OPCML: variants seen among roughly 807,000 people sequenced by gnomAD.
OPCML encodes the protein opioid-binding protein/cell adhesion molecule.
OPCML carries 13 observed loss-of-function variants against 37.8 expected under a neutral mutation model. That is an observed-to-expected ratio of 0.34 (90% CI 0.22 to 0.55). The LOEUF is 0.55. Among genes scored for constraint, OPCML ranks in the 20% least tolerant of loss-of-function variants. The pLI, the probability that OPCML is intolerant of heterozygous loss-of-function variation, is 0.91. For synonymous variants in OPCML, 176 were observed against 168.8 expected, an observed-to-expected ratio of 1.04 and a Z score of -0.33; for missense variants, 341 against 435.6, an observed-to-expected ratio of 0.78 and a Z score of 1.93.
chr11:133,394,946 C>T (rs772118707), intron 1 of OPCML, among the ~76,000 whole-genome samples: 10 of 152,202 alleles, frequency 6.6e-5, no homozygotes, highest in African/African-American at 9.7e-5. Flanking sequence ...TGAGGAACTT[C>T]CAAACTGTTC....
chr11:133,148,453 A>G (rs917184155), intron 1 of OPCML, among the ~76,000 whole-genome samples: 3 of 152,230 alleles, frequency 2.0e-5, no homozygotes, highest in Non-Finnish European at 2.9e-5. Context: ...CCTCTCTGAA[A>G]CAAGAGGGAG....
At chr11:132,690,582 T>C (rs1943359117) in intron 2 of OPCML, among the ~76,000 whole-genome samples, 1 of 152,190 alleles carries the variant, frequency 6.6e-6, no homozygotes, top group South Asian at 2.1e-4. Flanking sequence ...ATGGAATGGT[T>C]AACGTACCAA....
At chr11:133,352,243 A>C (rs901210280) in intron 1 of OPCML, among the ~76,000 whole-genome samples, 4 of 152,204 alleles carry the variant, frequency 2.6e-5, no homozygotes, top group African/African-American at 9.6e-5. Flanking sequence ...ATACCAATTT[A>C]GGTACCCCGT....
intron 2 of OPCML, among the ~76,000 whole-genome samples, chr11:132,917,087 T>A (rs1944632137): frequency 6.6e-6 from 1 of 152,166 alleles, no homozygotes; most frequent in African/African-American, 2.4e-5. Context: ...TAATCCATCA[T>A]CTGTGGCTAG....
chr11:133,004,401 G>A, intron 1 of OPCML: 1 of 985,472 alleles, frequency 1.0e-6, no homozygotes, highest in Non-Finnish European at 1.2e-6. Flanking sequence ...TTGGAATCGT[G>A]TCTATCATCT....
chr11:133,342,775 G>A (rs1054581162), intron 1 of OPCML, among the ~76,000 whole-genome samples: 8 of 152,136 alleles, frequency 5.3e-5, no homozygotes, highest in East Asian at 1.9e-4. Flanking sequence ...CGAGAAGGCC[G>A]TTTGGGACAT....
At chr11:133,085,941 A>C in intron 1 of OPCML, among the ~76,000 whole-genome samples, 1 of 152,232 alleles carries the variant, frequency 6.6e-6, no homozygotes, top group East Asian at 1.9e-4. Flanking sequence ...CTGTCGGTTC[A>C]TCTAATATCT....
intron 4 of OPCML, among the ~76,000 whole-genome samples, chr11:132,480,654 G>C (rs1039011834): frequency 6.6e-6 from 1 of 152,192 alleles, no homozygotes; most frequent in Non-Finnish European, 1.5e-5. Flanking sequence ...AAGCCCATCA[G>C]ACTAACAGCG....
intron 1 of OPCML, among the ~76,000 whole-genome samples, chr11:133,096,216 G>C (rs1483580306): frequency 6.6e-6 from 1 of 151,512 alleles, no homozygotes; most frequent in Non-Finnish European, 1.5e-5. Flanking sequence ...AATGAATTTA[G>C]GAATATTTTG....
chr11:132,497,946 A>G (rs904297023), intron 4 of OPCML, among the ~76,000 whole-genome samples: 15 of 152,248 alleles, frequency 9.9e-5, no homozygotes, highest in Non-Finnish European at 1.3e-4. Flanking sequence ...GTCAATACTC[A>G]TGAATAGATC....
intron 2 of OPCML, among the ~76,000 whole-genome samples, chr11:132,756,168 A>T (rs897279368): frequency 3.9e-5 from 6 of 152,300 alleles, no homozygotes; most frequent in Non-Finnish European, 8.8e-5. Flanking sequence ...TGCATGTTAT[A>T]AGAGTACTAA....
chr11:132,534,369 A>G (rs957895465), intron 3 of OPCML, among the ~76,000 whole-genome samples: 2 of 152,168 alleles, frequency 1.3e-5, no homozygotes, highest in African/African-American at 4.8e-5. Flanking sequence ...ATAAACCACT[A>G]CACTCCCAGT....
At chr11:132,902,567 A>G (rs1190435613) in intron 2 of OPCML, among the ~76,000 whole-genome samples, 1 of 152,180 alleles carries the variant, frequency 6.6e-6, no homozygotes, top group Non-Finnish European at 1.5e-5. Flanking sequence ...AAGGAAATTC[A>G]GATATTTTAC....
chr11:133,461,709 C>T (rs1454704342), intron 1 of OPCML, among the ~76,000 whole-genome samples: 1 of 151,820 alleles, frequency 6.6e-6, no homozygotes, highest in Admixed American at 6.6e-5. Flanking sequence ...CAACACTACC[C>T]AGAGCAGTCT....
At chr11:133,288,633 A>G (rs879054295) in intron 1 of OPCML, among the ~76,000 whole-genome samples, 4 of 152,160 alleles carry the variant, frequency 2.6e-5, no homozygotes, top group Admixed American at 1.3e-4. Flanking sequence ...TTAAAAACAT[A>G]TGGACACCCA....
intron 1 of OPCML, among the ~76,000 whole-genome samples, chr11:133,090,197 T>C (rs1005740251): frequency 5.3e-5 from 8 of 152,124 alleles, no homozygotes; most frequent in Non-Finnish European, 1.0e-4. Context: ...TTAGTAATTC[T>C]CCATCCACTC....
intron 1 of OPCML, among the ~76,000 whole-genome samples, chr11:133,043,788 G>A (rs1947953904): frequency 2.0e-5 from 3 of 152,206 alleles, no homozygotes; most frequent in South Asian, 4.1e-4. Flanking sequence ...CAGACAAATC[G>A]TTCATAGCAG....
chr11:133,207,452 G>T (rs1485809714), intron 1 of OPCML, among the ~76,000 whole-genome samples: 1 of 152,128 alleles, frequency 6.6e-6, no homozygotes, highest in Non-Finnish European at 1.5e-5. Context: ...TGATAATGAT[G>T]ATCCAGTTTA....
chr11:132,568,851 A>T (rs2137549746), intron 3 of OPCML, among the ~76,000 whole-genome samples: 1 of 152,356 alleles, frequency 6.6e-6, no homozygotes, highest in African/African-American at 2.4e-5. Context: ...AAGATACAAA[A>T]ATTGTATGTT....
Sources: allele counts gnomAD v4.1 joint callset (sites outside exome capture counted in the v4.1 genomes callset), GRCh38; gene constraint gnomAD v4.1.1; transcripts MANE v1.5; gene names NCBI Gene and HGNC (gene_info 2026-07-23, HGNC 2026-07-21).